Variants in NANOGNB observed in about 807,000 individuals in gnomAD.
The protein encoded by NANOGNB is NANOG neighbor homeobox.
NANOGNB carries 30 observed loss-of-function variants against 25.0 expected under a neutral mutation model. The ratio of observed to expected loss-of-function variants is 1.20; its 90% CI spans 0.90 to 1.63. The LOEUF is 1.63. Among genes scored for constraint, NANOGNB ranks in the 40% most tolerant of loss-of-function variants. The pLI is 0.00. For synonymous variants in NANOGNB, 84 were observed against 62.1 expected (o/e 1.35, Z -1.66); for missense variants, 200 against 188.1 (o/e 1.06, Z -0.37).
At position 7,765,354 on chromosome 12, in the gene NANOGNB, A is replaced by G; in HGVS notation, c.69A>G (p.Arg23=). 4 of 614,908 alleles carry G rather than the reference A, an allele frequency of 6.5e-6. No individual in the cohort carries two copies. The highest frequency in any genetic ancestry group is 1.0e-5 in the Non-Finnish European group (4 of 388,486). The allele number at this position is 614,908 out of a possible 1,614,324, so 38.1% of individuals were successfully genotyped here. The change falls in exon 1 of 4, where the codon CGA becomes CGG. Residue 23 remains arginine (R), a synonymous_variant. Transcript: ENST00000382119. ...GGGAGGCCGAGGCGGGCAGATCACG[A>G]GGTCAGGAAATCGAGACCATCTTGG... The part of the protein sequence containing the change: ...ALWEAEAGRS[R]GQEIETILAN...
At chr12:7,771,511 G>A (rs894448689) in intron 3 of NANOGNB, among the ~76,000 whole-genome samples, 7 of 152,014 alleles carry the variant, frequency 4.6e-5, no homozygotes, top group Non-Finnish European at 7.4e-5. Context: ...GAGCCACCGC[G>A]CCCAGCCAAT....
intron 3 of NANOGNB, among the ~76,000 whole-genome samples, chr12:7,773,085 C>T (rs1017545415): frequency 6.8e-6 from 1 of 148,114 alleles, no homozygotes; most frequent in Admixed American, 6.8e-5. Flanking sequence ...GTGTTGTTTA[C>T]TCTTAGTGTC....
At chr12:7,768,858 A>G (rs1865267848) in intron 1 of NANOGNB, among the ~76,000 whole-genome samples, 2 of 152,056 alleles carry the variant, frequency 1.3e-5, no homozygotes, top group South Asian at 4.2e-4. Context: ...TTTGAGACAG[A>G]GTCTTGCTCT....
chr12:7,769,675 G>A (rs963830951), intron 1 of NANOGNB, among the ~76,000 whole-genome samples: 3 of 151,494 alleles, frequency 2.0e-5, no homozygotes, highest in Non-Finnish European at 2.9e-5. Flanking sequence ...CTACGGGCAC[G>A]TGCCACCATG....
At chr12:7,767,307 T>C (rs1592109572) in intron 1 of NANOGNB, among the ~76,000 whole-genome samples, 1 of 151,788 alleles carries the variant, frequency 6.6e-6, no homozygotes, top group East Asian at 1.9e-4. Context: ...AAAATTTTCT[T>C]ACACTTTATC....
chr12:7,769,866 TACA>T (rs1360284373), intron 1 of NANOGNB, 114 bp from the exon 2 acceptor site: 4 of 832,446 alleles, frequency 4.8e-6, no homozygotes, highest in Admixed American at 6.1e-5. Flanking sequence ...TCCACCAATG[TACA>T]ACATTGCTAA....
chr12:7,774,117 C>A lies in NANOGNB; in HGVS notation c.*266C>A. ...TTTTATTTAAGAAAAAAAATCGAGTCAAGGCCGGGCACAGTGGAGCACGCC... is the reference window on the plus strand; with the variant it reads ...TTTTATTTAAGAAAAAAAATCGAGTAAAGGCCGGGCACAGTGGAGCACGCC... On this transcript the variant is annotated 3_prime_UTR_variant, in exon 4 of 4. Coordinates refer to ENST00000382119, the MANE Select transcript of NANOGNB (RefSeq NM_001145465.1). 3.8e-6 allele frequency: 1 copy of A among 262,780 alleles called. No homozygotes were observed. Among genetic ancestry groups the A allele is most frequent in the Non-Finnish European group, 7.0e-6 (1 of 141,938 alleles). 16.3% of individuals were successfully genotyped at this position (262,780 alleles called of 1,614,324 possible).
At chr12:7,771,242 A>G (rs1865289349) in intron 3 of NANOGNB, among the ~76,000 whole-genome samples, 1 of 152,124 alleles carries the variant, frequency 6.6e-6, no homozygotes, top group Non-Finnish European at 1.5e-5. Flanking sequence ...TGTTTTTGAG[A>G]CGGAGTCTTG....
At chr12:7,770,917 A>T (rs982887305) in intron 3 of NANOGNB, among the ~76,000 whole-genome samples, 3 of 151,942 alleles carry the variant, frequency 2.0e-5, no homozygotes, top group African/African-American at 7.3e-5. Flanking sequence ...CGGTGCCCAT[A>T]AACTTTTTAA....
chr12:7,769,326 A>T (rs868361769), intron 1 of NANOGNB, among the ~76,000 whole-genome samples: 8 of 141,882 alleles, frequency 5.6e-5, no homozygotes, highest in Admixed American at 2.1e-4. Flanking sequence ...TGCCTGGCAA[A>T]TTTTTTTTTT....
Position 7,773,984 on chromosome 12 carries a change from C to T in NANOGNB, c.*133C>T, listed in dbSNP as rs942809617. The stretch of plus-strand genomic sequence containing the variant: ...GGATAAACAAGAAAACATTAACAGT[C>T]GTTGATTCCGTGGAGTAGAACTAAA... On this transcript the variant is annotated 3_prime_UTR_variant, in exon 4 of 4. Coordinates refer to ENST00000382119, the MANE Select transcript of NANOGNB (RefSeq NM_001145465.1). 1.1e-5 allele frequency: 5 copies of T among 449,108 alleles called. No homozygotes were observed. The highest frequency in any genetic ancestry group is 4.1e-5 in the African/African-American group (2 of 48,670). The allele number at this position is 449,108 out of a possible 1,614,324, so 27.8% of individuals were successfully genotyped here. A position where few individuals can be genotyped will look rare whatever the true frequency, so the allele number is the denominator to read the frequency against.
chr12:7,773,901 C>A lies in NANOGNB; in HGVS notation c.*50C>A. The A allele has an allele frequency of 1.7e-6, 1 of 604,520 alleles. No individual in the cohort carries two copies. Among genetic ancestry groups the A allele is most frequent in the East Asian group, 3.2e-5 (1 of 31,350 alleles). 37.4% of individuals were successfully genotyped at this position (604,520 alleles called of 1,614,324 possible). A position where few individuals can be genotyped will look rare whatever the true frequency, so the allele number is the denominator to read the frequency against. On this transcript the variant is annotated 3_prime_UTR_variant, in exon 4 of 4. Coordinates refer to ENST00000382119, the MANE Select transcript of NANOGNB (RefSeq NM_001145465.1). ...TGCTGTGATTACAAGCATGAGCCATCGCACTGGCTAAGACATTTTACATGA... is the reference window on the plus strand; with the variant it reads ...TGCTGTGATTACAAGCATGAGCCATAGCACTGGCTAAGACATTTTACATGA...
intron 3 of NANOGNB, among the ~76,000 whole-genome samples, chr12:7,771,770 G>A (rs1482179937): frequency 1.3e-5 from 2 of 151,872 alleles, no homozygotes; most frequent in African/African-American, 4.8e-5. Flanking sequence ...ACAGGCACGC[G>A]CCACTATGCC....
chr12:7,769,028 G>C (rs892662091), intron 1 of NANOGNB, among the ~76,000 whole-genome samples: 5 of 152,152 alleles, frequency 3.3e-5, no homozygotes, highest in African/African-American at 1.2e-4. Context: ...ATCAGTTAAG[G>C]CTTTAAGAGG....
chr12:7,768,511 TTTTC>T lies in NANOGNB; in HGVS notation c.103-1460_103-1457del, dbSNP rs755415197. Among the ~76,000 whole-genome samples, 294 of 152,032 alleles carry T rather than the reference TTTTC, an allele frequency of 1.9e-3. 1 individual carries two copies. The highest frequency in any genetic ancestry group is 6.4e-3 in the African/African-American group (265 of 41,496). ...ACACTAGGTGCCACTGGCATATTTC[TTTTC>T]TTTCTTTCTTTTTTTTTTTTGAGAG... On this transcript the variant is annotated intron_variant, in intron 1 of 3. Coordinates refer to ENST00000382119, the MANE Select transcript of NANOGNB (RefSeq NM_001145465.1).
At chr12:7,769,093 T>G (rs1865270117) in intron 1 of NANOGNB, among the ~76,000 whole-genome samples, 1 of 152,216 alleles carries the variant, frequency 6.6e-6, no homozygotes, top group Admixed American at 6.5e-5. Flanking sequence ...CCAGCCATCC[T>G]TTCGGACTTG....
In NANOGNB at chr12:7,768,250, A is replaced by G. The variant is rs146693178; in HGVS notation, c.103-1733A>G. Among the ~76,000 whole-genome samples, 444 of 151,794 alleles carry G rather than the reference A, an allele frequency of 2.9e-3. 1 individual carries two copies. The highest frequency in any genetic ancestry group is 9.1e-3 in the African/African-American group (376 of 41,392). ...TATGATGTATTACATTGATTTTCCTATTTTGAACTAATCACATATTTCTAG... is the reference window on the plus strand; with the variant it reads ...TATGATGTATTACATTGATTTTCCTGTTTTGAACTAATCACATATTTCTAG... On this transcript the variant is annotated intron_variant, in intron 1 of 3. Transcript: ENST00000382119.
chr12:7,769,909 G>T, intron 1 of NANOGNB, 74 bp from the exon 2 acceptor site: 1 of 1,037,646 alleles, frequency 9.6e-7, no homozygotes. Flanking sequence ...TTCTCCCAGG[G>T]AAGATTGTTG....
chr12:7,766,482 A>G (rs1865245944), intron 1 of NANOGNB, among the ~76,000 whole-genome samples: 1 of 152,190 alleles, frequency 6.6e-6, no homozygotes, highest in Non-Finnish European at 1.5e-5. Context: ...CAACAAAACA[A>G]AACAGCAAAC....
Sources: allele counts gnomAD v4.1 joint callset (sites outside exome capture counted in the v4.1 genomes callset), GRCh38; gene constraint gnomAD v4.1.1; transcripts MANE v1.5; gene names NCBI Gene and HGNC (gene_info 2026-07-23, HGNC 2026-07-21).